SPINK7: variants seen among roughly 807,000 people sequenced by gnomAD.
SPINK7 encodes serine protease inhibitor Kazal-type 7.
In SPINK7, 8 loss-of-function variants were observed where a neutral mutation model predicts 11.6. The ratio of observed to expected loss-of-function variants is 0.69; its 90% CI spans 0.41 to 1.25. The LOEUF (loss-of-function observed/expected upper bound fraction) is 1.25. SPINK7 is among the 50% of genes most tolerant of loss of function. The pLI is 0.01. For synonymous variants in SPINK7, 38 were observed against 35.3 expected (o/e 1.08, Z -0.27); for missense variants, 113 against 99.3 (o/e 1.14, Z -0.58).
At position 148,315,744 on chromosome 5, in the gene SPINK7, G is replaced by A; in HGVS notation, c.*60G>A. The stretch of plus-strand genomic sequence containing the variant: ...TCTCATCATCATCTTCATCATCCCA[G>A]GCTCTGACTGAGTTTCTTTCAGTTT... On this transcript the variant is annotated 3_prime_UTR_variant, in exon 4 of 4. Coordinates refer to ENST00000274565, the MANE Select transcript of SPINK7 (RefSeq NM_032566.3). 9.5e-7 allele frequency: 1 copy of A among 1,048,078 alleles called. No individual in the cohort carries two copies. Among genetic ancestry groups the A allele is most frequent in the Non-Finnish European group, 1.5e-6 (1 of 672,262 alleles). The allele number at this position is 1,048,078 out of a possible 1,614,324, so 64.9% of individuals were successfully genotyped here.
At chr5:148,314,816 G>A (rs1756909150) in intron 3 of SPINK7, among the ~76,000 whole-genome samples, 1 of 151,966 alleles carries the variant, frequency 6.6e-6, no homozygotes, top group Admixed American at 6.6e-5. Flanking sequence ...CTTTAAGGGG[G>A]GAATAAGGCT....
At chr5:148,313,810 A>G (rs1444674049) in intron 2 of SPINK7, 2 of 494,268 alleles carry the variant, frequency 4.0e-6, no homozygotes, top group Admixed American at 3.7e-5. Flanking sequence ...AAGAGAGGTA[A>G]TAGTAGAATT....
chr5:148,313,857 A>T, intron 2 of SPINK7: 1 of 525,122 alleles, frequency 1.9e-6, no homozygotes, highest in Non-Finnish European at 3.3e-6. Flanking sequence ...AAGAAAATTC[A>T]TGCAAGATTT....
chr5:148,314,314 A>G (rs758963963), intron 3 of SPINK7, 90 bp downstream of exon 3: 30 of 1,383,978 alleles, frequency 2.2e-5, no homozygotes, highest in African/African-American at 1.6e-4. Flanking sequence ...TTAAATCTCT[A>G]TAAGCTGTAA....
At chr5:148,313,883 C>A in intron 2 of SPINK7, 2 of 571,550 alleles carry the variant, frequency 3.5e-6, no homozygotes, top group Admixed American at 3.1e-5. Context: ...TAACGCCTAG[C>A]CCAGAAATGC....
chr5:148,313,527 G>T, intron 2 of SPINK7, 128 bp downstream of exon 2: 1 of 553,612 alleles, frequency 1.8e-6, no homozygotes, highest in Non-Finnish European at 3.2e-6. Context: ...AATGGTACCT[G>T]TTCTCCAGAA....
At chr5:148,315,558 C>A in intron 3 of SPINK7, 81 bp from the exon 4 acceptor site, 1 of 793,224 alleles carries the variant, frequency 1.3e-6, no homozygotes, top group Non-Finnish European at 2.2e-6. Context: ...GCCTCATAAT[C>A]TCTATAGTTC....
chr5:148,313,991 G>T (rs569038911), intron 2 of SPINK7, 109 bp from the exon 3 acceptor site: 414 of 1,415,478 alleles, frequency 2.9e-4, no homozygotes, highest in Non-Finnish European at 3.8e-4. Context: ...AAGTGGCCAA[G>T]CAACATCTGA....
intron 1 of SPINK7, among the ~76,000 whole-genome samples, chr5:148,313,056 G>A (rs1424833640): frequency 6.6e-6 from 1 of 152,052 alleles, no homozygotes; most frequent in African/African-American, 2.4e-5. Flanking sequence ...CAGGCTCTTA[G>A]GAGTGATGAT....
At chr5:148,313,839 G>A (rs1756893804) in intron 2 of SPINK7, 2 of 516,150 alleles carry the variant, frequency 3.9e-6, no homozygotes, top group Non-Finnish European at 6.8e-6. Context: ...TTGTTCTGAA[G>A]ATTAAACAAG....
chr5:148,313,440 A>T (rs1303887622), intron 2 of SPINK7, 41 bp downstream of exon 2: 4 of 1,464,804 alleles, frequency 2.7e-6, no homozygotes, highest in South Asian at 1.2e-5. Flanking sequence ...ATAACTATTG[A>T]CTGTCATTTA....
rs917053902 is a variant in SPINK7, at chr5:148,314,287, A to T, written c.212+63A>T. On this transcript the variant is annotated intron_variant, in intron 3 of 3. Transcript: ENST00000274565. ...AGTGCTCTCTACTACAAACGCTTCTACTTTCCAGGATCCAGCTTAAATCTC... is the reference window on the plus strand; with the variant it reads ...AGTGCTCTCTACTACAAACGCTTCTTCTTTCCAGGATCCAGCTTAAATCTC... 5.8e-6 allele frequency: 9 copies of T among 1,559,102 alleles called. No individual in the cohort carries two copies. In the African/African-American group the frequency reaches 1.2e-4, roughly 21 times the overall value.
intron 2 of SPINK7, 105 bp from the exon 3 acceptor site, chr5:148,313,995 C>A: frequency 6.9e-7 from 1 of 1,445,104 alleles, no homozygotes; most frequent in African/African-American, 1.4e-5. Context: ...GGCCAAGCAA[C>A]ATCTGAATAT....
chr5:148,312,515 G>A lies in SPINK7; in HGVS notation c.32G>A (p.Cys11Tyr). ...ATCACTGGGGGTCTCCTTCTGCTCT[G>A]TACAGTGGTCTATTTCTGTAGCAGC... Reference protein sequence around the residue: MKITGGLLLLCTVVYFCSSSE... With the variant: MKITGGLLLLYTVVYFCSSSE... Residue 11 changes from cysteine to tyrosine, a missense_variant, in exon 1 of 4, where the codon TGT (cysteine) becomes TAT (tyrosine). By Grantham distance (194) the Cys-to-Tyr change is radical. Coordinates refer to ENST00000274565, the MANE Select transcript of SPINK7 (RefSeq NM_032566.3). 6 of 1,611,430 alleles carry A rather than the reference G, an allele frequency of 3.7e-6. No homozygotes were observed. Among genetic ancestry groups the A allele is most frequent in the Non-Finnish European group, 5.1e-6 (6 of 1,178,016 alleles).
chr5:148,314,518 G>C (rs1284809106), intron 3 of SPINK7: 1 of 427,058 alleles, frequency 2.3e-6, no homozygotes, highest in Non-Finnish European at 4.2e-6. Context: ...AGAGCACAGA[G>C]GTTCTATAGA....
At chr5:148,313,956 A>G in intron 2 of SPINK7, 144 bp from the exon 3 acceptor site, 1 of 930,906 alleles carries the variant, frequency 1.1e-6, no homozygotes, top group East Asian at 2.4e-5. Flanking sequence ...AGTATTTGTC[A>G]TAGTGATAAC....
Position 148,312,501 on chromosome 5 carries a change from T to A in SPINK7, c.18T>A (p.Gly6=), listed in dbSNP as rs764932845. Reference sequence around the variant, plus strand: ...TTTCCAGCATGAAGATCACTGGGGGTCTCCTTCTGCTCTGTACAGTGGTCT... The same window carrying A: ...TTTCCAGCATGAAGATCACTGGGGGACTCCTTCTGCTCTGTACAGTGGTCT... MKITG[G]LLLLCTVVYF... is the part of the protein sequence containing the mutation. Residue 6 remains glycine (G), a synonymous_variant, in exon 1 of 4, where the codon GGT becomes GGA. Coordinates refer to ENST00000274565, the MANE Select transcript of SPINK7 (RefSeq NM_032566.3). 63 of 1,611,968 alleles carry A rather than the reference T, an allele frequency of 3.9e-5. No individual in the cohort carries two copies. The Middle Eastern group carries it at 4.9e-4, about 13-fold the overall frequency.
At chr5:148,312,639 G>GT (rs1459977901) in intron 1 of SPINK7, 95 bp downstream of exon 1, 1 of 734,548 alleles carries the variant, frequency 1.4e-6, no homozygotes, top group African/African-American at 1.8e-5. Flanking sequence ...ACATCTGGTT[G>GT]TAAGAATTTA....
At chr5:148,313,467 G>A in intron 2 of SPINK7, 68 bp downstream of exon 2, 3 of 1,189,526 alleles carry the variant, frequency 2.5e-6, no homozygotes, top group Non-Finnish European at 3.7e-6. Context: ...ATATATGTAG[G>A]ATAAATTATG....
Sources: gnomAD v4.1 joint callset for allele counts (sites outside exome capture counted in the v4.1 genomes callset) on GRCh38, gnomAD v4.1.1 for gene constraint, MANE v1.5 for transcripts, NCBI Gene and HGNC (gene_info 2026-07-23, HGNC 2026-07-21) for gene names.